PPFIBP2: variants seen among roughly 807,000 people sequenced by gnomAD.
PPFIBP2 encodes the protein liprin-beta-2.
A neutral mutation model predicts 118.3 loss-of-function variants in PPFIBP2; 118 were observed. The ratio of observed to expected loss-of-function variants is 1.00; its 90% CI spans 0.86 to 1.16. The LOEUF (loss-of-function observed/expected upper bound fraction) is 1.16, where lower values mean the gene tolerates loss of function less well. Ranked by LOEUF, PPFIBP2 falls within the 50% of genes most tolerant of loss-of-function variation. The pLI, the probability that PPFIBP2 is intolerant of heterozygous loss-of-function variation, is 0.00. For missense variants in PPFIBP2, 1,195 were observed against 1,073.1 expected (o/e 1.11, Z -1.59); for synonymous variants, 414 against 397.4 (o/e 1.04, Z -0.50).
chr11:7,666,132 T>TA, the PPFIBP2 span: 1 of 609,352 alleles, frequency 1.6e-6, no homozygotes, highest in Non-Finnish European at 2.9e-6. Context: ...TCAGTGCCCA[T>TA]ATTAGATGTG....
chr11:7,572,604 G>T (rs1417828996), intron 3 of PPFIBP2, among the ~76,000 whole-genome samples: 1 of 152,196 alleles, frequency 6.6e-6, no homozygotes, highest in East Asian at 1.9e-4. Flanking sequence ...TGAGGTCTGA[G>T]CACGTAGACA....
the PPFIBP2 span, among the ~76,000 whole-genome samples, chr11:7,662,789 C>A: frequency 6.6e-6 from 1 of 151,870 alleles, no homozygotes; most frequent in Non-Finnish European, 1.5e-5. Flanking sequence ...GTCCACCAAT[C>A]AGACATAGAT....
At chr11:7,648,700 A>C (rs1590803993) in intron 18 of PPFIBP2, 100 bp from the exon 19 acceptor site, 1 of 1,416,196 alleles carries the variant, frequency 7.1e-7, no homozygotes, top group Middle Eastern at 1.8e-4. Flanking sequence ...GTGTGGAGAT[A>C]CACTGCCATA....
In PPFIBP2 at chr11:7,632,943, C is replaced by A. The variant is rs766476320; in HGVS notation, c.1136+9C>A. On this transcript the variant is annotated intron_variant, in intron 12 of 23. Coordinates refer to ENST00000299492, the MANE Select transcript of PPFIBP2 (RefSeq NM_003621.5). ...AAATCACTGGAAACCAGGTAAGAGG[C>A]CTGGGCATTTCCCCACAGCCACTGT... 3.7e-6 allele frequency: 6 copies of A among 1,611,696 alleles called. No homozygotes were observed. In the East Asian group the frequency reaches 8.9e-5, roughly 24 times the overall value.
In PPFIBP2 at chr11:7,582,777, G is replaced by A. The variant is rs140154864; in HGVS notation, c.280-10355G>A. 6.4e-3 allele frequency among the ~76,000 whole-genome samples: 950 copies of A among 149,424 alleles called. 9 individuals are homozygous for A. Among genetic ancestry groups the A allele is most frequent in the African/African-American group, 0.022 (905 of 40,666 alleles). ...CTCTTCACCCTCCCTCCCTTTCACC[G>A]CAAAATGTAACTGTATTTCAGCATC... On this transcript the variant is annotated intron_variant, in intron 3 of 23. Transcript: ENST00000299492.
chr11:7,568,573 G>A (rs762070033), intron 3 of PPFIBP2, among the ~76,000 whole-genome samples: 7 of 152,174 alleles, frequency 4.6e-5, no homozygotes, highest in Non-Finnish European at 1.0e-4. Context: ...AAGGGAGGCT[G>A]GGAAAGCAAG....
intron 20 of PPFIBP2, 145 bp from the exon 21 acceptor site, chr11:7,649,384 TACA>T: frequency 7.9e-7 from 1 of 1,271,358 alleles, no homozygotes; most frequent in Non-Finnish European, 1.1e-6. Context: ...AGTAGCAGAG[TACA>T]AACCACTGTG....
At chr11:7,666,146 G>A in the PPFIBP2 span, 6 of 603,666 alleles carry the variant, frequency 9.9e-6, no homozygotes, top group East Asian at 2.8e-5. Context: ...AGATGTGTAT[G>A]TGATGGCTGT....
rs1476638665 is a variant in PPFIBP2 at position 7,615,108 on chromosome 11, A to G, written c.618+4686A>G. On this transcript the variant is annotated intron_variant, in intron 6 of 23. Transcript: ENST00000299492. ...CCCAGTACTTTGGGAGGCTGAGGAG[A>G]CTGGATCACTTGAGGTCAGGAGTTT... Among the ~76,000 whole-genome samples the G allele has an allele frequency of 2.6e-5, 4 of 152,004 alleles. No individual in the cohort carries two copies. In the East Asian group the frequency reaches 7.7e-4, roughly 29 times the overall value.
chr11:7,544,432 C>G (rs766827414), intron 1 of PPFIBP2, among the ~76,000 whole-genome samples: 7 of 152,144 alleles, frequency 4.6e-5, no homozygotes, highest in Non-Finnish European at 7.3e-5. Context: ...GTTGTCCATG[C>G]TGTGTAAGGC....
In PPFIBP2 at chr11:7,639,709, CTCTT is replaced by C. The variant is rs1565105526; in HGVS notation, c.1237-19_1237-16del. ...GGCTGACAGTTAAGTCGGTATCTCT[CTCTT>C]TCTCTCACCTTCCAATAGGACAGCC... On this transcript the variant is annotated intron_variant, in intron 14 of 23. Coordinates refer to ENST00000299492, the MANE Select transcript of PPFIBP2 (RefSeq NM_003621.5). 1.9e-6 allele frequency: 3 copies of C among 1,613,702 alleles called. No individual in the cohort carries two copies. Among genetic ancestry groups the C allele is most frequent in the African/African-American group, 1.3e-5 (1 of 74,928 alleles).
chr11:7,525,825 A>C (rs2134293670), intron 1 of PPFIBP2, among the ~76,000 whole-genome samples: 1 of 152,300 alleles, frequency 6.6e-6, no homozygotes, highest in Middle Eastern at 3.4e-3. Flanking sequence ...GCATTGGCTG[A>C]GACTGGCCAC....
Position 7,641,502 on chromosome 11 carries a change from G to T in PPFIBP2, c.1399G>T (p.Asp467Tyr), listed in dbSNP as rs1221903027. ...AGGAGACACAGAAAGTGGCTGGGAC[G>T]ACACTGCTGTGGTCAATGACCTCTC... ...RLRDTESGWDDTAVVNDLSST... is the reference protein window; with the variant it reads ...RLRDTESGWDYTAVVNDLSST... The change falls in exon 16 of 24, where the codon GAC becomes TAC. Residue 467 changes from aspartate to tyrosine, a missense_variant. Asp to Tyr is a radical substitution (Grantham distance 160). Coordinates refer to ENST00000299492, the MANE Select transcript of PPFIBP2 (RefSeq NM_003621.5). 9.9e-6 allele frequency: 16 copies of T among 1,613,936 alleles called. No individual in the cohort carries two copies. Among genetic ancestry groups the T allele is most frequent in the Non-Finnish European group, 1.3e-5 (15 of 1,179,822 alleles).
intron 3 of PPFIBP2, among the ~76,000 whole-genome samples, chr11:7,585,002 G>A (rs1857877651): frequency 6.6e-6 from 1 of 152,140 alleles, no homozygotes; most frequent in African/African-American, 2.4e-5. Flanking sequence ...TCATCTAAAT[G>A]GCTAAATAAG....
intron 1 of PPFIBP2, among the ~76,000 whole-genome samples, chr11:7,520,403 C>G (rs1849648337): frequency 6.6e-6 from 1 of 152,166 alleles, no homozygotes; most frequent in African/African-American, 2.4e-5. Context: ...GGCCTTGCAC[C>G]TTGGGACTGG....
chr11:7,551,468 A>T (rs1158280014), intron 2 of PPFIBP2, among the ~76,000 whole-genome samples: 1 of 148,022 alleles, frequency 6.8e-6, no homozygotes, highest in African/African-American at 2.7e-5. Context: ...TGTTTCATGG[A>T]TTTATTTTTT....
chr11:7,639,653 G>C, intron 14 of PPFIBP2, 79 bp from the exon 15 acceptor site: 3 of 1,583,376 alleles, frequency 1.9e-6, no homozygotes, highest in Non-Finnish European at 2.6e-6. Flanking sequence ...AAAACAGGGA[G>C]TTGTTCTGTA....
chr11:7,611,415 T>C (rs529872613), intron 6 of PPFIBP2, among the ~76,000 whole-genome samples: 1 of 152,388 alleles, frequency 6.6e-6, no homozygotes, highest in East Asian at 1.9e-4. Flanking sequence ...TACTGACATC[T>C]GCCATGTTTG....
intron 16 of PPFIBP2, 77 bp from the exon 17 acceptor site, chr11:7,642,221 T>G: frequency 6.4e-7 from 1 of 1,563,360 alleles, no homozygotes; most frequent in East Asian, 2.3e-5. Context: ...CTGCATGGCC[T>G]TGCAAAAGAG....
Sources: allele counts gnomAD v4.1 joint callset (sites outside exome capture counted in the v4.1 genomes callset), GRCh38; gene constraint gnomAD v4.1.1; transcripts MANE v1.5; gene names NCBI Gene and HGNC (gene_info 2026-07-23, HGNC 2026-07-21).